Variants in RBFOX1 observed in about 807,000 individuals in gnomAD.
RBFOX1 encodes RNA binding fox-1 homolog 1.
A neutral mutation model predicts 57.7 loss-of-function variants in RBFOX1; 8 were observed. The ratio of observed to expected loss-of-function variants is 0.14; its 90% CI spans 0.08 to 0.25. RBFOX1 has a LOEUF of 0.25. Ranked by LOEUF, RBFOX1 falls within the 10% of genes least tolerant of loss-of-function variation. RBFOX1 has a pLI of 1.00. For synonymous variants in RBFOX1, 326 were observed against 222.4 expected (o/e 1.47, Z -4.15); for missense variants, 611 against 548.5 (o/e 1.11, Z -1.14).
chr16:6,911,100 C>T (rs112973490), intron 3 of RBFOX1, among the ~76,000 whole-genome samples: 12 of 151,760 alleles, frequency 7.9e-5, no homozygotes, highest in African/African-American at 2.9e-4. Context: ...ACTCGGGAGG[C>T]TGAGGCAGGA....
chr16:6,751,793 C>G (rs562220486), intron 3 of RBFOX1, among the ~76,000 whole-genome samples: 1 of 152,112 alleles, frequency 6.6e-6, no homozygotes, highest in South Asian at 2.1e-4. Flanking sequence ...GTGTGATTAT[C>G]GTAACCCACT....
chr16:7,125,257 G>T (rs764887077), intron 4 of RBFOX1, among the ~76,000 whole-genome samples: 10 of 152,128 alleles, frequency 6.6e-5, no homozygotes, highest in Non-Finnish European at 1.3e-4. Context: ...TGGGGTTGTC[G>T]TTCAGCCTTT....
At chr16:7,180,897 A>G (rs1212596429) in intron 4 of RBFOX1, among the ~76,000 whole-genome samples, 2 of 152,248 alleles carry the variant, frequency 1.3e-5, no homozygotes, top group Non-Finnish European at 2.9e-5. Flanking sequence ...CTTTTCCTGC[A>G]GAGGGTCAGA....
intron 2 of RBFOX1, among the ~76,000 whole-genome samples, chr16:6,516,642 TG>T (rs1340702600): frequency 2.0e-5 from 3 of 152,136 alleles, no homozygotes; most frequent in African/African-American, 4.8e-5. Flanking sequence ...AATAAGGCAT[TG>T]GAAGACAATC....
At chr16:7,045,316 G>A (rs2067940795) in intron 3 of RBFOX1, among the ~76,000 whole-genome samples, 1 of 152,174 alleles carries the variant, frequency 6.6e-6, no homozygotes, top group African/African-American at 2.4e-5. Flanking sequence ...TAGAATATAA[G>A]CAAAATAATA....
chr16:6,939,704 G>A lies in RBFOX1; in HGVS notation c.-15-112353G>A, dbSNP rs115658080. Among the ~76,000 whole-genome samples the A allele has an allele frequency of 8.0e-3, 1,215 of 151,942 alleles. 16 individuals are homozygous for A. Among genetic ancestry groups the A allele is most frequent in the African/African-American group, 0.028 (1,150 of 41,400 alleles). On this transcript the variant is annotated intron_variant, in intron 3 of 15. Transcript: ENST00000550418. ...TTTTTGTATCTTTGGTAGAGTTGAG[G>A]CTTCACTATGTTGGCCGGGCTGGTC...
At chr16:7,685,611 A>G (rs1224375394) in intron 14 of RBFOX1, among the ~76,000 whole-genome samples, 1 of 152,154 alleles carries the variant, frequency 6.6e-6, no homozygotes, top group Non-Finnish European at 1.5e-5. Flanking sequence ...TGCAAATGTT[A>G]TCAATAACTC....
chr16:5,368,618 C>T (rs901865126), intron 1 of RBFOX1, among the ~76,000 whole-genome samples: 5 of 152,152 alleles, frequency 3.3e-5, no homozygotes, highest in African/African-American at 1.2e-4. Context: ...TAAACTCTTG[C>T]CGTTATGCAC....
At chr16:7,066,691 C>A (rs4552043) in intron 4 of RBFOX1, among the ~76,000 whole-genome samples, 84,217 of 152,060 alleles carry the variant, frequency 0.55, 26,970 homozygotes, top group South Asian at 0.73. Flanking sequence ...ATTTAAGGTC[C>A]TTCCACAGTC....
intron 3 of RBFOX1, among the ~76,000 whole-genome samples, chr16:5,717,681 G>T (rs978351419): frequency 6.6e-6 from 1 of 152,138 alleles, no homozygotes; most frequent in African/African-American, 2.4e-5. Context: ...TTGCTGCAAA[G>T]GCCAGTATAT....
chr16:5,270,409 TG>T, intron 1 of RBFOX1: 1 of 1,240,838 alleles, frequency 8.1e-7, no homozygotes, highest in Non-Finnish European at 1.2e-6. Flanking sequence ...ATGATGAAGT[TG>T]CATTTAGAAA....
intron 2 of RBFOX1, among the ~76,000 whole-genome samples, chr16:6,415,089 A>C (rs1331078940): frequency 2.0e-5 from 3 of 151,864 alleles, no homozygotes; most frequent in Non-Finnish European, 2.9e-5. Flanking sequence ...CTAAAAATAC[A>C]AAAATTAGCT....
At chr16:6,887,102 C>A (rs1242982165) in intron 3 of RBFOX1, among the ~76,000 whole-genome samples, 1 of 152,130 alleles carries the variant, frequency 6.6e-6, no homozygotes, top group Admixed American at 6.5e-5. Flanking sequence ...ATCATCATGT[C>A]CCTCACCAAA....
chr16:7,329,178 C>G (rs1308273613), intron 4 of RBFOX1, among the ~76,000 whole-genome samples: 1 of 152,182 alleles, frequency 6.6e-6, no homozygotes, highest in South Asian at 2.1e-4. Flanking sequence ...TACAGAAAAA[C>G]ATTTACCATT....
intron 1 of RBFOX1, among the ~76,000 whole-genome samples, chr16:5,299,716 A>G (rs2063757832): frequency 6.6e-6 from 1 of 152,182 alleles, no homozygotes; most frequent in Admixed American, 6.5e-5. Context: ...TTTTTGATGT[A>G]TACAATCATG....
At chr16:7,197,732 C>A (rs1433673974) in intron 4 of RBFOX1, among the ~76,000 whole-genome samples, 1 of 152,094 alleles carries the variant, frequency 6.6e-6, no homozygotes, top group South Asian at 2.1e-4. Flanking sequence ...TGTAGTAGAA[C>A]GTTATTCAAC....
chr16:6,381,604 G>T (rs1596375453), intron 2 of RBFOX1, among the ~76,000 whole-genome samples: 1 of 152,186 alleles, frequency 6.6e-6, no homozygotes, highest in East Asian at 1.9e-4. Flanking sequence ...TTTACCTATT[G>T]GATGTCAACT....
intron 2 of RBFOX1, among the ~76,000 whole-genome samples, chr16:5,509,016 C>T (rs547710352): frequency 6.6e-6 from 1 of 152,184 alleles, no homozygotes. Context: ...ACTTCCTTCC[C>T]TCTCACTTAC....
intron 2 of RBFOX1, among the ~76,000 whole-genome samples, chr16:5,473,322 C>T (rs953216199): frequency 2.0e-5 from 3 of 152,170 alleles, no homozygotes; most frequent in Admixed American, 6.5e-5. Context: ...TTACCTGACA[C>T]CTCATTACTC....
Sources: gnomAD v4.1 joint callset for allele counts (sites outside exome capture counted in the v4.1 genomes callset) on GRCh38, gnomAD v4.1.1 for gene constraint, MANE v1.5 for transcripts, NCBI Gene and HGNC (gene_info 2026-07-23, HGNC 2026-07-21) for gene names.